MINDY4B: variants seen among roughly 807,000 people sequenced by gnomAD.
The protein encoded by MINDY4B is MINDY family member 4B, also known as inactive ubiquitin carboxyl-terminal hydrolase MINDY-4B.
A neutral mutation model predicts 16.7 loss-of-function variants in MINDY4B; 25 were observed. That is an observed-to-expected ratio of 1.49 (90% CI 1.09 to 2.09). The LOEUF is 2.09. MINDY4B is among the 30% of genes most tolerant of loss of function. The probability of loss-of-function intolerance (pLI) is 0.00; values close to 1 mark genes in which losing one functional copy is unlikely to be tolerated. For synonymous variants in MINDY4B, 132 were observed against 61.9 expected (o/e 2.13, Z -5.32); for missense variants, 327 against 168.4 (o/e 1.94, Z -5.21).
intron 3 of MINDY4B, chr3:150,901,152 C>A (rs1712105434): frequency 6.6e-6 from 1 of 152,208 alleles, no homozygotes; most frequent in East Asian, 1.9e-4. Flanking sequence ...TAAAGAAATT[C>A]ATTGCAGAAG....
chr3:150,891,891 G>A (rs1441736438), intron 5 of MINDY4B, among the ~76,000 whole-genome samples: 3 of 152,148 alleles, frequency 2.0e-5, no homozygotes, highest in Admixed American at 6.5e-5. Flanking sequence ...GGGGGGCTCA[G>A]GAAGGCTTCG....
At chr3:150,904,376 A>C (rs1712191775) in intron 2 of MINDY4B, among the ~76,000 whole-genome samples, 1 of 152,238 alleles carries the variant, frequency 6.6e-6, no homozygotes, top group South Asian at 2.1e-4. Flanking sequence ...GAGTTTTAGC[A>C]TAAATAAGAC....
At chr3:150,893,704 G>A (rs924001905) in intron 4 of MINDY4B, among the ~76,000 whole-genome samples, 1 of 116,738 alleles carries the variant, frequency 8.6e-6, no homozygotes, top group Non-Finnish European at 1.7e-5. Flanking sequence ...TTTGGGGGGG[G>A]GGGTGGGGTG....
chr3:150,873,085 C>T (rs1449651799), intron 11 of MINDY4B, 102 bp downstream of exon 11: 3 of 592,946 alleles, frequency 5.1e-6, no homozygotes, highest in Non-Finnish European at 9.0e-6. Context: ...TAAGCATTTT[C>T]CTGTGGAGCT....
At chr3:150,871,212 A>C in intron 11 of MINDY4B, 25 bp from the exon 12 acceptor site, 1 of 701,102 alleles carries the variant, frequency 1.4e-6, no homozygotes, top group Non-Finnish European at 2.6e-6. Context: ...GCCAGCATTT[A>C]GACCCAAGCC....
At position 150,885,441 on chromosome 3, in the gene MINDY4B, G is replaced by A; in HGVS notation, c.754-3C>T. 1 of 660,992 alleles carries A rather than the reference G, an allele frequency of 1.5e-6. No individual in the cohort carries two copies. The highest frequency in any genetic ancestry group is 2.7e-6 in the Non-Finnish European group (1 of 365,482). 40.9% of individuals were successfully genotyped at this position (660,992 alleles called of 1,614,324 possible). A position where few individuals can be genotyped will look rare whatever the true frequency, so the allele number is the denominator to read the frequency against. On this transcript the variant is annotated splice_region_variant and splice_polypyrimidine_tract_variant and intron_variant, in intron 7 of 11. Coordinates refer to ENST00000465419, the MANE Select transcript of MINDY4B (RefSeq NM_001351281.2). The stretch of plus-strand genomic sequence containing the variant: ...CCATGGCTTCCTTCCCCTCTGAACT[G>A]TTCGGAAAAGAAAAGAAAAGCATGT...
chr3:150,874,001 C>T (rs1717030461), intron 10 of MINDY4B, among the ~76,000 whole-genome samples: 1 of 131,054 alleles, frequency 7.6e-6, no homozygotes, highest in Non-Finnish European at 1.6e-5. Context: ...TCAATTTAGC[C>T]TTGATTTTTT....
intron 3 of MINDY4B, chr3:150,901,156 G>A (rs942588459): frequency 2.0e-5 from 3 of 152,178 alleles, no homozygotes; most frequent in African/African-American, 7.2e-5. Context: ...GAAATTCATT[G>A]CAGAAGCCAA....
chr3:150,898,081 G>T (rs936058154), intron 3 of MINDY4B, among the ~76,000 whole-genome samples: 2 of 152,164 alleles, frequency 1.3e-5, no homozygotes, highest in African/African-American at 4.8e-5. Context: ...ACCCCTGCTT[G>T]GTCCACATCC....
At chr3:150,894,900 T>TATATGTAAA (rs1238037706) in intron 3 of MINDY4B, among the ~76,000 whole-genome samples, 2 of 152,210 alleles carry the variant, frequency 1.3e-5, no homozygotes, top group Non-Finnish European at 2.9e-5. Context: ...GTAAAAAGTC[T>TATATGTAAA]AACACCCCAC....
intron 3 of MINDY4B, among the ~76,000 whole-genome samples, chr3:150,896,398 G>A (rs573725982): frequency 6.6e-6 from 1 of 152,106 alleles, no homozygotes; most frequent in South Asian, 2.1e-4. Context: ...TCTCAGTTTG[G>A]GTCCATTGCT....
At chr3:150,873,396 A>T in intron 10 of MINDY4B, 29 bp from the exon 11 acceptor site, 1 of 695,932 alleles carries the variant, frequency 1.4e-6, no homozygotes, top group East Asian at 2.7e-5. Context: ...ATGCAGATAA[A>T]TATATAGATT....
At chr3:150,900,831 G>A (rs995644426) in intron 3 of MINDY4B, among the ~76,000 whole-genome samples, 10 of 152,096 alleles carry the variant, frequency 6.6e-5, no homozygotes, top group African/African-American at 2.2e-4. Flanking sequence ...AGAGTTTCTC[G>A]CCTCCCCAGT....
intron 10 of MINDY4B, among the ~76,000 whole-genome samples, chr3:150,877,973 T>C (rs1053594842): frequency 2.0e-5 from 3 of 152,174 alleles, no homozygotes; most frequent in East Asian, 3.9e-4. Flanking sequence ...TGAATGTAGA[T>C]AGAACTCGGT....
intron 10 of MINDY4B, among the ~76,000 whole-genome samples, chr3:150,874,578 A>G (rs900255231): frequency 2.6e-5 from 4 of 152,222 alleles, no homozygotes; most frequent in Non-Finnish European, 5.9e-5. Context: ...CATGATTTCC[A>G]TGTGACGCCA....
intron 8 of MINDY4B, among the ~76,000 whole-genome samples, chr3:150,884,172 G>C (rs580631): frequency 0.69 from 104,289 of 152,118 alleles, 36,676 homozygotes; most frequent in African/African-American, 0.84. Flanking sequence ...TGGAAAACAC[G>C]GTTGTGGCCA....
In MINDY4B at chr3:150,896,319, C is replaced by T. The variant is rs1018283686; in HGVS notation, c.310-2014G>A. ...TTCCTTACATTGGGCTTCACCTTTC[C>T]CTGGTGCCTCCCTGATTAGCTTAAT... On this transcript the variant is annotated intron_variant, in intron 3 of 11. Coordinates refer to ENST00000465419, the MANE Select transcript of MINDY4B (RefSeq NM_001351281.2). Among the ~76,000 whole-genome samples the T allele has an allele frequency of 2.0e-5, 3 of 152,174 alleles. No homozygotes were observed. The East Asian group carries it at 5.8e-4, about 29-fold the overall frequency.
At chr3:150,881,798 T>G (rs1287600013) in intron 10 of MINDY4B, among the ~76,000 whole-genome samples, 2 of 152,182 alleles carry the variant, frequency 1.3e-5, no homozygotes, top group African/African-American at 4.8e-5. Context: ...ACATGCAAAC[T>G]TGTAAAGCAC....
intron 3 of MINDY4B, among the ~76,000 whole-genome samples, chr3:150,895,101 T>C (rs1186493784): frequency 6.6e-6 from 1 of 152,214 alleles, no homozygotes; most frequent in East Asian, 1.9e-4. Context: ...GGCTCTGGGA[T>C]AAGTGCTTCC....
Sources: gnomAD v4.1 joint callset for allele counts (sites outside exome capture counted in the v4.1 genomes callset) on GRCh38, gnomAD v4.1.1 for gene constraint, MANE v1.5 for transcripts, NCBI Gene and HGNC (gene_info 2026-07-23, HGNC 2026-07-21) for gene names.